CENPI: variants seen among roughly 807,000 people sequenced by gnomAD.
The protein encoded by CENPI is centromere protein I.
A neutral mutation model predicts 60.4 loss-of-function variants in CENPI; 4 were observed. The observed-to-expected ratio is 0.07, with a 90% CI of 0.03 to 0.15. CENPI has a LOEUF of 0.15. CENPI is among the 10% of genes least tolerant of loss of function. The probability of loss-of-function intolerance (pLI) is 1.00; values close to 1 mark genes in which losing one functional copy is unlikely to be tolerated. For synonymous variants in CENPI, 157 were observed against 189.4 expected (o/e 0.83, Z 1.40); for missense variants, 444 against 534.5 (o/e 0.83, Z 1.67).
intron 4 of CENPI, among the ~76,000 whole-genome samples, chrX:101,104,175 T>C (rs2089456636): frequency 1.8e-5 from 2 of 112,318 alleles, no homozygotes; most frequent in Admixed American, 9.5e-5. Context: ...GGTTTCGCCA[T>C]GTTGGCCAGG....
chrX:101,127,549 A>G lies in CENPI; in HGVS notation c.958A>G (p.Lys320Glu). The G allele has an allele frequency of 8.3e-7, 1 of 1,200,140 alleles. No individual in the cohort carries two copies. The highest frequency in any genetic ancestry group is 1.1e-6 in the Non-Finnish European group (1 of 886,390). Residue 320 changes from lysine (K) to glutamate (E), a missense_variant, in exon 11 of 22, where the codon AAA (lysine) becomes GAA (glutamate). Physicochemically the swap from Lys to Glu is moderately conservative, Grantham distance 56 (BLOSUM62 1). Coordinates refer to ENST00000682095, the MANE Select transcript of CENPI (RefSeq NM_001386188.2). ...IPVLNSSSYT[K>E]ECGKKEMSLS... ...AGTGCTCAATTCCAGTAGCTACACT[A>G]AAGAATGTGGAAAAAAAGAGATGAG...
intron 20 of CENPI, among the ~76,000 whole-genome samples, chrX:101,148,370 A>T (rs1188652115): frequency 4.5e-5 from 5 of 111,763 alleles, no homozygotes; most frequent in Non-Finnish European, 9.4e-5. Flanking sequence ...TTGAGCTTGT[A>T]ACAGAGACAG....
In CENPI at chrX:101,163,277, A is replaced by G. The variant is rs111298847; in HGVS notation, c.*310A>G. 6.6e-3 allele frequency: 1,339 copies of G among 201,714 alleles called. 15 individuals are homozygous for G. The highest frequency in any genetic ancestry group is 0.038 in the African/African-American group (1,225 of 32,539). The allele number at this position is 201,714 out of a possible 1,213,427, so 16.6% of individuals were successfully genotyped here. On this transcript the variant is annotated 3_prime_UTR_variant, in exon 22 of 22. Transcript: ENST00000682095. ...TTTTTTCACATTTTTGGGTACTATG[A>G]GCTGCATTGATGGAAGACAGCAGGC...
chrX:101,162,715 A>G (rs899877655), intron 21 of CENPI, 118 bp from the exon 22 acceptor site: 48 of 764,980 alleles, frequency 6.3e-5, no homozygotes, highest in South Asian at 1.0e-4. Flanking sequence ...TCCCCCCCGA[A>G]CTAATTTTGA....
intron 4 of CENPI, among the ~76,000 whole-genome samples, chrX:101,102,661 C>T (rs1038315690): frequency 9.6e-6 from 1 of 104,026 alleles, no homozygotes; most frequent in Non-Finnish European, 2.0e-5. Flanking sequence ...GCACCTGGCT[C>T]GAGGGGGATG....
chrX:101,160,555 AT>A (rs201725459), intron 20 of CENPI, among the ~76,000 whole-genome samples: 1 of 104,236 alleles, frequency 9.6e-6, no homozygotes, highest in African/African-American at 3.5e-5. Context: ...TAATTTTTGT[AT>A]TTTTTTTTGT....
intron 8 of CENPI, among the ~76,000 whole-genome samples, chrX:101,123,817 G>T (rs1052906861): frequency 9.0e-6 from 1 of 110,784 alleles, no homozygotes; most frequent in Non-Finnish European, 1.9e-5. Flanking sequence ...CAAACTCTTG[G>T]GCTCAAGCAA....
intron 13 of CENPI, among the ~76,000 whole-genome samples, chrX:101,131,494 A>G (rs2089795428): frequency 8.9e-6 from 1 of 111,856 alleles, no homozygotes; most frequent in Non-Finnish European, 1.9e-5. Flanking sequence ...GAGATGCCTA[A>G]TGGGACATCA....
intron 4 of CENPI, 101 bp from the exon 5 acceptor site, chrX:101,109,372 C>A: frequency 1.5e-6 from 1 of 651,512 alleles, no homozygotes; most frequent in Non-Finnish European, 2.4e-6. Flanking sequence ...TGAGCTGCCG[C>A]GCCCAGCCTA....
chrX:101,180,331 C>A, the CENPI span, among the ~76,000 whole-genome samples: 1 of 110,612 alleles, frequency 9.0e-6, no homozygotes, highest in African/African-American at 3.3e-5. Context: ...GAGATAAGGT[C>A]TCACTATGTT....
intron 6 of CENPI, among the ~76,000 whole-genome samples, chrX:101,115,630 C>A (rs779998185): frequency 9.0e-6 from 1 of 111,478 alleles, no homozygotes; most frequent in East Asian, 2.8e-4. Context: ...TCCCAAAGTG[C>A]TGGAATTATA....
intron 20 of CENPI, among the ~76,000 whole-genome samples, chrX:101,154,550 C>G (rs1310160079): frequency 9.0e-6 from 1 of 111,274 alleles, no homozygotes; most frequent in Non-Finnish European, 1.9e-5. Flanking sequence ...CACTTCACTC[C>G]AGCCTGGGCG....
chrX:101,115,997 T>C (rs893209545), intron 6 of CENPI, among the ~76,000 whole-genome samples: 1 of 111,876 alleles, frequency 8.9e-6, no homozygotes, highest in Non-Finnish European at 1.9e-5. Flanking sequence ...CATTCCTTTT[T>C]ATGGGTGAAT....
intron 20 of CENPI, among the ~76,000 whole-genome samples, chrX:101,150,923 TTG>T (rs1328600161): frequency 2.8e-5 from 3 of 108,835 alleles, no homozygotes; most frequent in Non-Finnish European, 3.8e-5. Context: ...TTGCCTGCTT[TTG>T]TGTGTGTGTG....
intron 16 of CENPI, among the ~76,000 whole-genome samples, chrX:101,144,087 CTTTTTTTTTT>C (rs58858609): frequency 1.3e-5 from 1 of 79,649 alleles, no homozygotes; most frequent in Admixed American, 1.5e-4. Flanking sequence ...TTTTCTTTTT[CTTTTTTTTTT>C]TTTTTTTTGA....
At chrX:101,109,262 G>A (rs185036251) in intron 4 of CENPI, among the ~76,000 whole-genome samples, 34 of 108,794 alleles carry the variant, frequency 3.1e-4, no homozygotes, top group Admixed American at 3.0e-4. Flanking sequence ...TATATTTTTA[G>A]TAGAGATAGG....
chrX:101,148,034 C>T lies in CENPI; in HGVS notation c.1967C>T (p.Pro656Leu), dbSNP rs971484498. The T allele has an allele frequency of 1.7e-6, 2 of 1,186,504 alleles. No homozygotes were observed. Among genetic ancestry groups the T allele is most frequent in the African/African-American group, 1.8e-5 (1 of 56,642 alleles). The change falls in exon 20 of 22, where the codon CCC (proline) becomes CTC (leucine). Residue 656 changes from proline (P) to leucine (L), a missense_variant. Physicochemically the swap from Pro to Leu is moderately conservative, Grantham distance 98. Coordinates refer to ENST00000682095, the MANE Select transcript of CENPI (RefSeq NM_001386188.2). Reference sequence around the variant, plus strand: ...GTTGGTTGCCTGTGGACGTCCAAACCCTTTGGGAAAGGAATATATATTGAC... The same window carrying T: ...GTTGGTTGCCTGTGGACGTCCAAACTCTTTGGGAAAGGAATATATATTGAC... ...SMVGCLWTSK[P>L]FGKGIYIDPE...
At chrX:101,152,448 G>A (rs2090016105) in intron 20 of CENPI, among the ~76,000 whole-genome samples, 1 of 110,226 alleles carries the variant, frequency 9.1e-6, no homozygotes, top group African/African-American at 3.3e-5. Context: ...AGACAGTCTT[G>A]CTCTGTCGCC....
chrX:101,099,162 C>T (rs748169291), intron 2 of CENPI, among the ~76,000 whole-genome samples: 1 of 110,696 alleles, frequency 9.0e-6, no homozygotes, highest in South Asian at 3.8e-4. Flanking sequence ...CGTGGTGGCT[C>T]ACGCCTGTAA....
Sources: gnomAD v4.1 joint callset for allele counts (sites outside exome capture counted in the v4.1 genomes callset) on GRCh38, gnomAD v4.1.1 for gene constraint, MANE v1.5 for transcripts, NCBI Gene and HGNC (gene_info 2026-07-23, HGNC 2026-07-21) for gene names.